Variants in SRSF12 observed in about 807,000 individuals in gnomAD.
SRSF12 encodes the protein serine/arginine-rich splicing factor 12.
Under a neutral mutation model 34.1 loss-of-function variants are expected in SRSF12, and 21 were observed. That is an observed-to-expected ratio of 0.62 (90% CI 0.44 to 0.89). The LOEUF is 0.89. Ranked by LOEUF, SRSF12 falls within the 40% of genes least tolerant of loss-of-function variation. SRSF12 has a pLI of 0.00. For synonymous variants in SRSF12, 111 were observed against 110.8 expected (o/e 1.00, Z -0.01); for missense variants, 278 against 327.8 (o/e 0.85, Z 1.17).
intron 1 of SRSF12, among the ~76,000 whole-genome samples, chr6:89,113,554 G>A (rs919679989): frequency 2.0e-5 from 3 of 151,890 alleles, no homozygotes; most frequent in South Asian, 2.1e-4. Flanking sequence ...AGTGATCCAC[G>A]TGCCTCGGCC....
At chr6:89,111,635 T>C (rs989049012) in intron 1 of SRSF12, among the ~76,000 whole-genome samples, 4 of 152,212 alleles carry the variant, frequency 2.6e-5, no homozygotes, top group African/African-American at 9.6e-5. Flanking sequence ...TTATATCTTT[T>C]TTCTTGCCTT....
In SRSF12 at chr6:89,105,010, C is replaced by T. The variant is rs903850787; in HGVS notation, c.416+109G>A. On this transcript the variant is annotated intron_variant, in intron 4 of 4. Coordinates refer to ENST00000452027, the MANE Select transcript of SRSF12 (RefSeq NM_080743.5). ...GGTCAAGTCTACAGTGGGCCATGAT[C>T]GCACACTACTGCACTCCAGCCTGGG... 27 of 1,104,402 alleles carry T rather than the reference C, an allele frequency of 2.4e-5. No homozygotes were observed. In the African/African-American group the frequency reaches 2.8e-4, roughly 12 times the overall value. 68.4% of individuals were successfully genotyped at this position (1,104,402 alleles called of 1,614,324 possible).
At position 89,107,245 on chromosome 6, in the gene SRSF12, G is replaced by C. The variant is rs765233604; in HGVS notation, c.79C>G (p.Arg27Gly). ...GGGCCATATCGACCAAACTCACGGC[G>C]CAAGTCCTCAGGCCTGAAGTGTTTT... ...VADATRPEDL[R>G]REFGRYGPIV... The change falls in exon 2 of 5, where the codon CGC (arginine) becomes GGC (glycine). Residue 27 changes from arginine to glycine, a missense_variant. Coordinates refer to ENST00000452027, the MANE Select transcript of SRSF12 (RefSeq NM_080743.5). 6.2e-7 allele frequency: 1 copy of C among 1,613,778 alleles called. No homozygotes were observed. The highest frequency in any genetic ancestry group is 8.5e-7 in the Non-Finnish European group (1 of 1,179,940).
rs66913576 is a variant in SRSF12 at position 89,099,443 on chromosome 6, C to CAT, written c.417-498_417-497dup. 5.2e-3 allele frequency among the ~76,000 whole-genome samples: 725 copies of CAT among 138,614 alleles called. 23 individuals are homozygous for CAT. Among genetic ancestry groups the CAT allele is most frequent in the African/African-American group, 0.02 (689 of 34,280 alleles). The allele number at this position is 138,614 out of a possible 152,430, so 90.9% of individuals were successfully genotyped here. A position where few individuals can be genotyped will look rare whatever the true frequency, so the allele number is the denominator to read the frequency against. On this transcript the variant is annotated intron_variant, in intron 4 of 4. Transcript: ENST00000452027. ...ATATATATGTGTGTATATATATACA[C>CAT]ATATATATGTGTGTATATATGTGTG...
In SRSF12 at chr6:89,105,034, G is replaced by C. The variant is rs576233089; in HGVS notation, c.416+85C>G. On this transcript the variant is annotated intron_variant, in intron 4 of 4. Coordinates refer to ENST00000452027, the MANE Select transcript of SRSF12 (RefSeq NM_080743.5). Reference sequence around the variant, plus strand: ...TCGCACACTACTGCACTCCAGCCTGGGAAACAATGAGACCCTATCAAAAAA... The same window carrying C: ...TCGCACACTACTGCACTCCAGCCTGCGAAACAATGAGACCCTATCAAAAAA... The C allele has an allele frequency of 7.4e-6, 10 of 1,354,174 alleles. No homozygotes were observed. The South Asian group carries it at 1.6e-4, about 22-fold the overall frequency. The allele number at this position is 1,354,174 out of a possible 1,614,324, so 83.9% of individuals were successfully genotyped here.
chr6:89,111,823 C>T lies in SRSF12; in HGVS notation c.66-4565G>A, dbSNP rs187456892. Among the ~76,000 whole-genome samples the T allele has an allele frequency of 2.6e-5, 4 of 152,240 alleles. 1 individual carries two copies. The South Asian group carries it at 6.2e-4, about 24-fold the overall frequency. ...CTCTTCTATTCCTAGTTTGCTCACA[C>T]GTTTTGTTGTGTTTTTGTTTTTGGA... On this transcript the variant is annotated intron_variant, in intron 1 of 4. Transcript: ENST00000452027.
In SRSF12 at chr6:89,098,236, T is replaced by C. The variant is rs1768348167; in HGVS notation, c.*342A>G. The C allele has an allele frequency of 6.0e-6, 1 of 165,466 alleles. No individual in the cohort carries two copies. The allele number at this position is 165,466 out of a possible 1,614,324, so 10.2% of individuals were successfully genotyped here. The stretch of plus-strand genomic sequence containing the variant: ...GAAAGTGCTTTAAAGTCAAAAATAT[T>C]TGTGTAAAAGGTATTATTAATAGTA... On this transcript the variant is annotated 3_prime_UTR_variant, in exon 5 of 5. Coordinates refer to ENST00000452027, the MANE Select transcript of SRSF12 (RefSeq NM_080743.5).
chr6:89,100,843 C>T (rs1768506271), intron 4 of SRSF12, among the ~76,000 whole-genome samples: 1 of 152,184 alleles, frequency 6.6e-6, no homozygotes, highest in Admixed American at 6.5e-5. Flanking sequence ...TGCAGTGGCT[C>T]ATGCCTGTAA....
intron 1 of SRSF12, among the ~76,000 whole-genome samples, chr6:89,113,414 C>T (rs1388255087): frequency 6.6e-6 from 1 of 152,060 alleles, no homozygotes; most frequent in East Asian, 1.9e-4. Flanking sequence ...CCTCGTGATC[C>T]GCCCACTTTG....
intron 1 of SRSF12, among the ~76,000 whole-genome samples, chr6:89,114,524 G>A (rs1769199829): frequency 6.6e-6 from 1 of 151,936 alleles, no homozygotes; most frequent in Admixed American, 6.6e-5. Context: ...CTAGTACACA[G>A]TGAGTATTCA....
chr6:89,104,255 G>A (rs1361429703), intron 4 of SRSF12, among the ~76,000 whole-genome samples: 13 of 76,344 alleles, frequency 1.7e-4, no homozygotes, highest in African/African-American at 8.1e-4. Flanking sequence ...TTTTTGTTTT[G>A]AGACGGAGTC....
Position 89,117,908 on chromosome 6 carries a change from C to G in SRSF12, c.-21G>C, listed in dbSNP as rs1411247241. 1.3e-6 allele frequency: 2 copies of G among 1,554,762 alleles called. No homozygotes were observed. Among genetic ancestry groups the G allele is most frequent in the Non-Finnish European group, 1.7e-6 (2 of 1,153,868 alleles). On this transcript the variant is annotated 5_prime_UTR_variant, in exon 1 of 5. Coordinates refer to ENST00000452027, the MANE Select transcript of SRSF12 (RefSeq NM_080743.5). ...GACATGACCGCTTCCTCCGTTCCCT[C>G]CGGGTCTGCCCGCGGCCGCTGGACT...
chr6:89,107,978 T>C (rs754262243), intron 1 of SRSF12, among the ~76,000 whole-genome samples: 2 of 152,252 alleles, frequency 1.3e-5, no homozygotes, highest in Non-Finnish European at 2.9e-5. Context: ...TTTAATTTCA[T>C]GTTTATGTTA....
chr6:89,112,807 A>C (rs746492880), intron 1 of SRSF12, among the ~76,000 whole-genome samples: 29 of 152,226 alleles, frequency 1.9e-4, no homozygotes, highest in Admixed American at 3.9e-4. Context: ...TGAACCATAT[A>C]TATCATGGTG....
At chr6:89,115,015 C>A (rs1484198048) in intron 1 of SRSF12, among the ~76,000 whole-genome samples, 1 of 152,098 alleles carries the variant, frequency 6.6e-6, no homozygotes, top group Non-Finnish European at 1.5e-5. Flanking sequence ...CCAGGCTGGT[C>A]TCAAACTCCT....
At chr6:89,105,014 C>T in intron 4 of SRSF12, 105 bp downstream of exon 4, 1 of 1,152,862 alleles carries the variant, frequency 8.7e-7, no homozygotes, top group South Asian at 2.1e-5. Flanking sequence ...CATGATCGCA[C>T]ACTACTGCAC....
In SRSF12 at chr6:89,105,558, C is replaced by T. The variant is rs988948512; in HGVS notation, c.171-28G>A. ...GACTAGCTGTTAAGGACACTTTGAACATGAGATATCAAGTAAACATATTTT... is the reference window on the plus strand; with the variant it reads ...GACTAGCTGTTAAGGACACTTTGAATATGAGATATCAAGTAAACATATTTT... On this transcript the variant is annotated intron_variant, in intron 2 of 4. Coordinates refer to ENST00000452027, the MANE Select transcript of SRSF12 (RefSeq NM_080743.5). 4.1e-6 allele frequency: 6 copies of T among 1,451,474 alleles called. No individual in the cohort carries two copies. The East Asian group carries it at 9.4e-5, about 23-fold the overall frequency. The allele number at this position is 1,451,474 out of a possible 1,614,324, so 89.9% of individuals were successfully genotyped here.
intron 1 of SRSF12, among the ~76,000 whole-genome samples, chr6:89,114,763 C>A (rs76017389): frequency 6.6e-6 from 1 of 152,042 alleles, no homozygotes; most frequent in South Asian, 2.1e-4. Flanking sequence ...TTTTAAAATG[C>A]GTATAAATAT....
rs1768373405 is a variant in SRSF12 at position 89,098,813 on chromosome 6, G to C, written c.551C>G (p.Ser184Cys). The change falls in exon 5 of 5, where the codon TCC (serine) becomes TGC (cysteine). Residue 184 changes from serine to cysteine, a missense_variant. Ser to Cys is a moderately radical substitution (Grantham distance 112). Transcript: ENST00000452027. ...FGSRGRSRSK[S>C]LQKRSKSIGK... ...TATTGACTTGGACCTCTTTTGTAAG[G>C]ACTTGGACCTTGACCGTCCTCTAGA... is the stretch of plus-strand genomic sequence containing the variant. 3.7e-6 allele frequency: 6 copies of C among 1,613,870 alleles called. No homozygotes were observed. The highest frequency in any genetic ancestry group is 5.1e-6 in the Non-Finnish European group (6 of 1,179,888).
Sources: allele counts gnomAD v4.1 joint callset (sites outside exome capture counted in the v4.1 genomes callset), GRCh38; gene constraint gnomAD v4.1.1; transcripts MANE v1.5; gene names NCBI Gene and HGNC (gene_info 2026-07-23, HGNC 2026-07-21).